Variants in CPSF2 observed in about 807,000 individuals in gnomAD.
CPSF2 encodes the protein cleavage and polyadenylation specific factor 2.
In CPSF2, 51 loss-of-function variants were observed where a neutral mutation model predicts 84.2. That is an observed-to-expected ratio of 0.61 (90% CI 0.48 to 0.77). The LOEUF (loss-of-function observed/expected upper bound fraction) is 0.77, where lower values mean the gene tolerates loss of function less well. CPSF2 is among the 30% of genes least tolerant of loss of function. The pLI, the probability that CPSF2 is intolerant of heterozygous loss-of-function variation, is 0.00. For missense variants in CPSF2, 641 were observed against 929.4 expected (o/e 0.69, Z 4.03); for synonymous variants, 286 against 311.9 (o/e 0.92, Z 0.87).
At position 92,154,478 on chromosome 14, in the gene CPSF2, A is replaced by G; in HGVS notation, c.1241+20A>G. On this transcript the variant is annotated intron_variant, in intron 10 of 15. Transcript: ENST00000298875. ...AAAAGAGTGAGTCATTTTCAGACAG[A>G]TTATAAATTTATGGATGCAATTTGA... 2 of 1,498,774 alleles carry G rather than the reference A, an allele frequency of 1.3e-6. No individual in the cohort carries two copies. Among genetic ancestry groups the G allele is most frequent in the Non-Finnish European group, 1.8e-6 (2 of 1,102,288 alleles). The allele number at this position is 1,498,774 out of a possible 1,614,324, so 92.8% of individuals were successfully genotyped here. A position where few individuals can be genotyped will look rare whatever the true frequency, so the allele number is the denominator to read the frequency against.
chr14:92,127,754 A>G (rs1178227944), intron 2 of CPSF2, among the ~76,000 whole-genome samples: 2 of 152,212 alleles, frequency 1.3e-5, no homozygotes, highest in East Asian at 1.9e-4. Context: ...AATGGGATCA[A>G]CGGCACACAT....
At chr14:92,123,708 A>G (rs2068809721) in intron 1 of CPSF2, among the ~76,000 whole-genome samples, 1 of 152,210 alleles carries the variant, frequency 6.6e-6, no homozygotes, top group African/African-American at 2.4e-5. Flanking sequence ...AACATGCACG[A>G]TTATTATTAA....
chr14:92,155,353 T>C (rs375045315), intron 11 of CPSF2, 30 bp downstream of exon 11: 135 of 1,539,358 alleles, frequency 8.8e-5, no homozygotes, highest in Non-Finnish European at 1.1e-4. Context: ...TTTTCTCTCT[T>C]ACAAATTGGA....
At chr14:92,135,625 G>C in intron 6 of CPSF2, 129 bp downstream of exon 6, 1 of 823,502 alleles carries the variant, frequency 1.2e-6, no homozygotes. Flanking sequence ...CGTCAAATAG[G>C]GAGTGTTTTC....
At position 92,157,096 on chromosome 14, in the gene CPSF2, T is replaced by C. The variant is rs1267359417; in HGVS notation, c.1595+465T>C. 6.6e-6 allele frequency among the ~76,000 whole-genome samples: 1 copy of C among 152,214 alleles called. No individual in the cohort carries two copies. The highest frequency in any genetic ancestry group is 1.9e-4 in the East Asian group (1 of 5,202). On this transcript the variant is annotated intron_variant, in intron 12 of 15. Transcript: ENST00000298875. The surrounding 1 kb of genome is among the most constrained non-coding windows in gnomAD (Gnocchi z 4.0). Reference sequence around the variant, plus strand: ...TTTTTTCTCCCGCTTTCTACTTAGTTAAATAATACCAGTAAGTGATCATTT... The same window carrying C: ...TTTTTTCTCCCGCTTTCTACTTAGTCAAATAATACCAGTAAGTGATCATTT...
chr14:92,127,944 G>A (rs2068863411), intron 2 of CPSF2, among the ~76,000 whole-genome samples: 1 of 152,166 alleles, frequency 6.6e-6, no homozygotes, highest in African/African-American at 2.4e-5. Flanking sequence ...GGGAGGGATG[G>A]GTGATCTTTG....
At chr14:92,142,401 CTG>C (rs757583910) in intron 8 of CPSF2, 50 bp downstream of exon 8, 467 of 1,395,448 alleles carry the variant, frequency 3.3e-4, no homozygotes, top group South Asian at 9.9e-4. Context: ...GTGATTGGGT[CTG>C]TGGAAGTGGG....
intron 13 of CPSF2, 127 bp downstream of exon 13, chr14:92,158,011 A>T: frequency 4.5e-6 from 3 of 669,128 alleles, no homozygotes; most frequent in South Asian, 3.5e-5. Context: ...AGCAGACCTC[A>T]TAGGGTATGG....
intron 14 of CPSF2, among the ~76,000 whole-genome samples, chr14:92,159,639 A>G (rs2069342581): frequency 6.6e-6 from 1 of 152,118 alleles, no homozygotes; most frequent in Non-Finnish European, 1.5e-5. Flanking sequence ...GTGAGCCACA[A>G]TTGTGCCACT....
chr14:92,149,022 A>G (rs1477754107), intron 9 of CPSF2, among the ~76,000 whole-genome samples: 1 of 152,198 alleles, frequency 6.6e-6, no homozygotes, highest in African/African-American at 2.4e-5. Flanking sequence ...TGCTGTGATT[A>G]TTTAATCTCG....
chr14:92,148,750 C>T (rs1595061717), intron 9 of CPSF2, among the ~76,000 whole-genome samples: 2 of 132,816 alleles, frequency 1.5e-5, no homozygotes, highest in Admixed American at 8.5e-5. Flanking sequence ...CAAGCCTGGG[C>T]GATATAGCAA....
chr14:92,125,397 T>C (rs928473368), intron 1 of CPSF2, among the ~76,000 whole-genome samples: 1 of 152,134 alleles, frequency 6.6e-6, no homozygotes, highest in African/African-American at 2.4e-5. Context: ...AGCTATAAAA[T>C]ACAATTTGAG....
chr14:92,146,496 G>A (rs890720410), intron 9 of CPSF2, among the ~76,000 whole-genome samples: 30 of 152,142 alleles, frequency 2.0e-4, no homozygotes, highest in Non-Finnish European at 1.5e-4. Context: ...ACTCCAACCT[G>A]GGTGACAGAG....
chr14:92,136,270 C>A (rs1433172962), intron 6 of CPSF2, among the ~76,000 whole-genome samples: 1 of 151,990 alleles, frequency 6.6e-6, no homozygotes. Flanking sequence ...ATATTTAAGA[C>A]AAATAGACTG....
chr14:92,138,899 G>T (rs760611974), intron 7 of CPSF2, among the ~76,000 whole-genome samples: 4 of 151,982 alleles, frequency 2.6e-5, no homozygotes, highest in Non-Finnish European at 5.9e-5. Flanking sequence ...ACTTTTCTTG[G>T]TCATAAGAGA....
At chr14:92,141,338 T>C (rs1366980960) in intron 7 of CPSF2, among the ~76,000 whole-genome samples, 3 of 152,230 alleles carry the variant, frequency 2.0e-5, no homozygotes, top group African/African-American at 4.8e-5. Context: ...TATGCAGATA[T>C]ATTGTTTTTT....
chr14:92,157,919 A>T lies in CPSF2; in HGVS notation c.1821+35A>T. 6.9e-7 allele frequency: 1 copy of T among 1,454,952 alleles called. No individual in the cohort carries two copies. Among genetic ancestry groups the T allele is most frequent in the Non-Finnish European group, 9.7e-7 (1 of 1,035,486 alleles). 90.1% of individuals were successfully genotyped at this position (1,454,952 alleles called of 1,614,324 possible). A position where few individuals can be genotyped will look rare whatever the true frequency, so the allele number is the denominator to read the frequency against. On this transcript the variant is annotated intron_variant, in intron 13 of 15. Coordinates refer to ENST00000298875, the MANE Select transcript of CPSF2 (RefSeq NM_017437.3). The surrounding 1 kb of genome is among the most constrained non-coding windows in gnomAD (Gnocchi z 4.0). ...CCAGGAGTTGCCATTGAGTAGAAATAAGTACTTTTTGTTGCAGGTTAGGAC... is the reference window on the plus strand; with the variant it reads ...CCAGGAGTTGCCATTGAGTAGAAATTAGTACTTTTTGTTGCAGGTTAGGAC...
intron 2 of CPSF2, among the ~76,000 whole-genome samples, chr14:92,126,658 C>T (rs962070943): frequency 6.6e-6 from 1 of 151,838 alleles, no homozygotes; most frequent in African/African-American, 2.4e-5. Flanking sequence ...AAAAAATTAG[C>T]CGAGTGTGGT....
rs776080823 is a variant in CPSF2, at chr14:92,131,022, T to C, written c.38T>C (p.Val13Ala). The C allele has an allele frequency of 6.2e-7, 1 of 1,612,628 alleles. No individual in the cohort carries two copies. Among genetic ancestry groups the C allele is most frequent in the Non-Finnish European group, 8.5e-7 (1 of 1,179,590 alleles). The part of the protein sequence containing the change: ...SIIKLTTLSG[V>A]QEESALCYLL... ...ATCAAATTAACTACCCTTTCTGGGG[T>C]CCAAGAAGAATCTGCCCTTTGCTAT... Residue 13 changes from valine to alanine, a missense_variant, in exon 3 of 16, where the codon GTC (valine) becomes GCC (alanine). By Grantham distance (64) the Val-to-Ala change is moderately conservative. Around this residue, in one of 2 missense-constraint regions of CPSF2, gnomAD observed 211 missense variants for 375.7 expected, o/e 0.56. Transcript: ENST00000298875.
Sources: gnomAD v4.1 joint callset for allele counts (sites outside exome capture counted in the v4.1 genomes callset) on GRCh38, gnomAD v4.1.1 for gene constraint, gnomAD v4.1.1 regional missense constraint, Gnocchi (gnomAD v3.1) non-coding constraint, MANE v1.5 for transcripts, NCBI Gene and HGNC (gene_info 2026-07-23, HGNC 2026-07-21) for gene names.